The following ATXN1 variants were observed in gnomAD, a reference collection of about 807,000 sequenced individuals.
ATXN1 encodes ataxin-1.
A neutral mutation model predicts 56.4 loss-of-function variants in ATXN1; 8 were observed. The observed-to-expected ratio is 0.14, with a 90% CI of 0.08 to 0.26. The LOEUF is 0.26. Among genes scored for constraint, ATXN1 ranks in the 10% least tolerant of loss-of-function variants. The pLI is 1.00. For missense variants in ATXN1, 987 were observed against 1,106.5 expected (o/e 0.89, Z 1.53); for synonymous variants, 514 against 494.6 (o/e 1.04, Z -0.52).
At chr6:16,433,222 G>A (rs1362109867) in intron 6 of ATXN1, 1 of 152,140 alleles carries the variant, frequency 6.6e-6, no homozygotes, top group East Asian at 1.9e-4. Context: ...AGAATCTTTT[G>A]CATTTCATGT....
At chr6:16,477,701 A>G (rs1386733343) in intron 6 of ATXN1, among the ~76,000 whole-genome samples, 1 of 152,166 alleles carries the variant, frequency 6.6e-6, no homozygotes, top group Non-Finnish European at 1.5e-5. Context: ...AACCTAATTC[A>G]CAAGAAAAAC....
intron 3 of ATXN1, among the ~76,000 whole-genome samples, chr6:16,625,840 G>A (rs1178037770): frequency 4.6e-5 from 7 of 152,076 alleles, no homozygotes; most frequent in Admixed American, 3.9e-4. Flanking sequence ...AATGAGAATA[G>A]TGATCTTCAG....
chr6:16,454,896 G>C (rs1347378195), intron 6 of ATXN1, among the ~76,000 whole-genome samples: 1 of 152,168 alleles, frequency 6.6e-6, no homozygotes, highest in Middle Eastern at 3.2e-3. Context: ...TGGGAGCTTG[G>C]ATATTATAGC....
At chr6:16,375,165 C>T (rs1445089022) in intron 6 of ATXN1, among the ~76,000 whole-genome samples, 1 of 152,154 alleles carries the variant, frequency 6.6e-6, no homozygotes, top group African/African-American at 2.4e-5. Flanking sequence ...CCTATCGCCG[C>T]ATCAAAAGAA....
At chr6:16,388,691 G>A (rs1326964620) in intron 6 of ATXN1, among the ~76,000 whole-genome samples, 1 of 152,204 alleles carries the variant, frequency 6.6e-6, no homozygotes, top group Non-Finnish European at 1.5e-5. Context: ...GAGGTCATGA[G>A]TGCTAACCAC....
At chr6:16,616,073 G>T (rs1421519941) in intron 3 of ATXN1, 8 of 151,614 alleles carry the variant, frequency 5.3e-5, no homozygotes, top group Non-Finnish European at 1.2e-4. Context: ...AAAGTCAAGT[G>T]TATTTGTATC....
chr6:16,617,766 C>CA (rs397975811), intron 3 of ATXN1, among the ~76,000 whole-genome samples: 1,387 of 89,442 alleles, frequency 0.016, 31 homozygotes, highest in Admixed American at 0.022. Flanking sequence ...AACTCTGTCT[C>CA]AAAAAAAAAA....
intron 2 of ATXN1, among the ~76,000 whole-genome samples, chr6:16,672,089 C>T (rs945682118): frequency 2.0e-5 from 3 of 152,114 alleles, no homozygotes; most frequent in African/African-American, 7.2e-5. Context: ...ATTTAACATA[C>T]TTTAAGGCCC....
In ATXN1 at chr6:16,662,969, ATTTTTT is replaced by A. The variant is rs57242101; in HGVS notation, c.-614-5074_-614-5069del. On this transcript the variant is annotated intron_variant, in intron 2 of 7. Transcript: ENST00000436367. ...GATAGCCACAGTATTTTCTGTTTGG[ATTTTTT>A]TTTTTTTTTTTTTTGAAATGGAGTT... 3.3e-4 allele frequency among the ~76,000 whole-genome samples: 43 copies of A among 129,600 alleles called. No homozygotes were observed. In the East Asian group the frequency reaches 7.6e-3, roughly 23 times the overall value. The allele number at this position is 129,600 out of a possible 152,430, so 85.0% of individuals were successfully genotyped here. A position where few individuals can be genotyped will look rare whatever the true frequency, so the allele number is the denominator to read the frequency against.
chr6:16,538,771 C>T (rs236941), intron 4 of ATXN1, among the ~76,000 whole-genome samples: 10,415 of 152,132 alleles, frequency 0.068, 660 homozygotes, highest in African/African-American at 0.17. Context: ...CTGCAACCTA[C>T]GCCTCCCAGG....
intron 2 of ATXN1, among the ~76,000 whole-genome samples, chr6:16,659,928 TAC>T (rs1341837839): frequency 6.6e-6 from 1 of 152,096 alleles, no homozygotes; most frequent in African/African-American, 2.4e-5. Flanking sequence ...GTAAGGTTTA[TAC>T]TATTCATACA....
At chr6:16,313,554 T>C (rs1350595371) in intron 7 of ATXN1, among the ~76,000 whole-genome samples, 1 of 151,664 alleles carries the variant, frequency 6.6e-6, no homozygotes, top group Admixed American at 6.6e-5. Context: ...ATGACGTTAA[T>C]GGAATTTTTT....
intron 6 of ATXN1, among the ~76,000 whole-genome samples, chr6:16,473,478 A>ATT (rs1760262509): frequency 6.6e-6 from 1 of 152,200 alleles, no homozygotes; most frequent in African/African-American, 2.4e-5. Flanking sequence ...TCAGAGAAGC[A>ATT]TTTTGAGAGT....
intron 6 of ATXN1, among the ~76,000 whole-genome samples, chr6:16,395,026 A>G (rs1758423313): frequency 6.6e-6 from 1 of 152,188 alleles, no homozygotes; most frequent in South Asian, 2.1e-4. Flanking sequence ...AAATTATATT[A>G]AAAACTCCTG....
chr6:16,338,643 G>C (rs1293014708), intron 6 of ATXN1, among the ~76,000 whole-genome samples: 2 of 152,156 alleles, frequency 1.3e-5, no homozygotes, highest in Non-Finnish European at 2.9e-5. Context: ...CACACACTCA[G>C]TACATGGTCG....
intron 3 of ATXN1, among the ~76,000 whole-genome samples, chr6:16,597,616 T>A (rs1187150424): frequency 6.6e-6 from 1 of 152,098 alleles, no homozygotes. Flanking sequence ...TTTTTTGTAT[T>A]TTCAGTCGAG....
At chr6:16,478,523 T>G (rs1760373563) in intron 6 of ATXN1, among the ~76,000 whole-genome samples, 1 of 152,198 alleles carries the variant, frequency 6.6e-6, no homozygotes. Context: ...CTACCTTCTT[T>G]TAGAGATCAA....
intron 2 of ATXN1, among the ~76,000 whole-genome samples, chr6:16,745,669 GAGCAGAGCTACC>G (rs1760506793): frequency 6.6e-6 from 1 of 152,120 alleles, no homozygotes; most frequent in Non-Finnish European, 1.5e-5. Flanking sequence ...CTTTTCTGTA[GAGCAGAGCTACC>G]TGCGGAAAAC....
chr6:16,608,629 G>C (rs945774650), intron 3 of ATXN1, among the ~76,000 whole-genome samples: 1 of 152,210 alleles, frequency 6.6e-6, no homozygotes, highest in Non-Finnish European at 1.5e-5. Flanking sequence ...AGTGCAAAGG[G>C]TGAATTGGGC....
Sources: allele counts gnomAD v4.1 joint callset (sites outside exome capture counted in the v4.1 genomes callset), GRCh38; gene constraint gnomAD v4.1.1; transcripts MANE v1.5; gene names NCBI Gene and HGNC (gene_info 2026-07-23, HGNC 2026-07-21).